ERICH1: variants seen among roughly 807,000 people sequenced by gnomAD.
ERICH1 encodes glutamate rich 1.
ERICH1 carries 56 observed loss-of-function variants against 39.6 expected under a neutral mutation model. That is an observed-to-expected ratio of 1.41 (90% CI 1.14 to 1.77). The LOEUF is 1.77. Among genes scored for constraint, ERICH1 ranks in the 40% most tolerant of loss-of-function variants. ERICH1 has a pLI of 0.00. For synonymous variants in ERICH1, 313 were observed against 223.6 expected (o/e 1.40, Z -3.57); for missense variants, 826 against 575.4 (o/e 1.44, Z -4.45).
intron 3 of ERICH1, among the ~76,000 whole-genome samples, chr8:618,519 T>A (rs1234765887): frequency 6.6e-6 from 1 of 152,198 alleles, no homozygotes; most frequent in African/African-American, 2.4e-5. Flanking sequence ...ATAAGCTCAG[T>A]GGGTACATGC....
chr8:701,958 C>T (rs1010509508), intron 2 of ERICH1, among the ~76,000 whole-genome samples: 4 of 150,484 alleles, frequency 2.7e-5, no homozygotes, highest in East Asian at 2.0e-4. Context: ...GGCATGGTGG[C>T]GGGCGCTACT....
intron 1 of ERICH1, among the ~76,000 whole-genome samples, chr8:729,148 C>A (rs1056044338): frequency 3.9e-5 from 6 of 152,184 alleles, no homozygotes; most frequent in Admixed American, 3.9e-4. Flanking sequence ...GCAGCCAGGG[C>A]CTGAGGGGCT....
chr8:661,660 C>G (rs182555596), downstream of ERICH1, among the ~76,000 whole-genome samples: 78 of 152,316 alleles, frequency 5.1e-4, 1 homozygote, highest in East Asian at 0.015. Context: ...ATTATCATAT[C>G]TATGCTGACA....
downstream of ERICH1, among the ~76,000 whole-genome samples, chr8:663,072 C>T (rs1157761648): frequency 2.0e-5 from 3 of 152,242 alleles, no homozygotes; most frequent in East Asian, 5.8e-4. Context: ...GGCCTACAAC[C>T]TGCATCAAGA....
intron 3 of ERICH1, among the ~76,000 whole-genome samples, chr8:625,233 T>C (rs961044419): frequency 6.6e-6 from 1 of 152,158 alleles, no homozygotes; most frequent in Non-Finnish European, 1.5e-5. Flanking sequence ...ACCCAAATGC[T>C]TCCTATCCGA....
chr8:638,953 G>C (rs148983330), intron 3 of ERICH1, among the ~76,000 whole-genome samples: 44 of 152,142 alleles, frequency 2.9e-4, no homozygotes, highest in African/African-American at 1.0e-3. Flanking sequence ...ACCCATAAAC[G>C]CCTATCTTTC....
Position 673,604 on chromosome 8 carries a change from C to T in ERICH1, c.748G>A (p.Gly250Ser). 1 of 1,550,056 alleles carries T rather than the reference C, an allele frequency of 6.5e-7. No homozygotes were observed. Among genetic ancestry groups the T allele is most frequent in the South Asian group, 1.1e-5 (1 of 87,896 alleles). Reference protein sequence around the residue: ...EDLTRARQEEGADASEEDPTP... With the variant: ...EDLTRARQEESADASEEDPTP... ...GGATCTTCCTCACTGGCGTCCGCAC[C>T]CTCTTCCTGCCTGGCCCGTGTCAGG... Residue 250 changes from glycine to serine, a missense_variant, in exon 4 of 6, where the codon GGT becomes AGT. Physicochemically the swap from Gly to Ser is moderately conservative, Grantham distance 56. Coordinates refer to ENST00000262109, the MANE Select transcript of ERICH1 (RefSeq NM_207332.3).
intron 3 of ERICH1, among the ~76,000 whole-genome samples, chr8:655,413 T>C (rs1800507001): frequency 6.6e-6 from 1 of 152,216 alleles, no homozygotes; most frequent in Non-Finnish European, 1.5e-5. Context: ...CTCACTCGTT[T>C]TTGTTTGCCC....
In ERICH1 at chr8:687,171, G is replaced by C. The variant is rs559022715; in HGVS notation, c.304+5307C>G. Among the ~76,000 whole-genome samples, 9 of 152,316 alleles carry C rather than the reference G, an allele frequency of 5.9e-5. No individual in the cohort carries two copies. In the East Asian group the frequency reaches 1.5e-3, roughly 26 times the overall value. ...CTATTTCAACTGGTGCTTGCTGCTA[G>C]AATCACCATCACAACAGCTCTCCAC... On this transcript the variant is annotated intron_variant, in intron 3 of 5. Transcript: ENST00000262109.
chr8:713,225 C>T (rs1217015090), intron 2 of ERICH1, among the ~76,000 whole-genome samples: 1 of 152,252 alleles, frequency 6.6e-6, no homozygotes, highest in Non-Finnish European at 1.5e-5. Flanking sequence ...TCTCCAAACA[C>T]AGTCACATTC....
At chr8:633,805 C>A (rs1798204121) in intron 3 of ERICH1, among the ~76,000 whole-genome samples, 1 of 152,230 alleles carries the variant, frequency 6.6e-6, no homozygotes, top group Admixed American at 6.5e-5. Context: ...CAGCCGCTTC[C>A]ACCGATGGTG....
chr8:685,973 C>G lies in ERICH1; in HGVS notation c.304+6505G>C, dbSNP rs1286281575. Among the ~76,000 whole-genome samples, 43 of 139,212 alleles carry G rather than the reference C, an allele frequency of 3.1e-4. No homozygotes were observed. The Admixed American group carries it at 3.1e-3, about 10-fold the overall frequency. 91.3% of individuals were successfully genotyped at this position (139,212 alleles called of 152,430 possible). A position where few individuals can be genotyped will look rare whatever the true frequency, so the allele number is the denominator to read the frequency against. ...CAGCCTGGCCAACATGGTGAAACCC[C>G]GTCTCTACTAAAAAATACCAAAAAA... is the stretch of plus-strand genomic sequence containing the variant. On this transcript the variant is annotated intron_variant, in intron 3 of 5. Coordinates refer to ENST00000262109, the MANE Select transcript of ERICH1 (RefSeq NM_207332.3).
chr8:629,468 C>A (rs1441532334), intron 3 of ERICH1, among the ~76,000 whole-genome samples: 1 of 144,814 alleles, frequency 6.9e-6, no homozygotes, highest in African/African-American at 2.6e-5. Context: ...CTCCCGTGAC[C>A]ACCCACACAG....
At chr8:623,134 T>C (rs1245047075) in intron 3 of ERICH1, among the ~76,000 whole-genome samples, 1 of 152,066 alleles carries the variant, frequency 6.6e-6, no homozygotes, top group Non-Finnish European at 1.5e-5. Context: ...CAGACTAATA[T>C]TCCTTATGAA....
At chr8:651,722 G>T (rs564799910) in intron 3 of ERICH1, among the ~76,000 whole-genome samples, 2 of 141,568 alleles carry the variant, frequency 1.4e-5, no homozygotes, top group Non-Finnish European at 3.1e-5. Flanking sequence ...CGGAGTGGGA[G>T]GGGGGAGAAG....
intron 3 of ERICH1, among the ~76,000 whole-genome samples, chr8:687,724 G>C (rs1375466099): frequency 6.6e-6 from 1 of 152,194 alleles, no homozygotes; most frequent in African/African-American, 2.4e-5. Flanking sequence ...ACTGCGGCCA[G>C]TGCCCGCCGC....
intron 5 of ERICH1, 35 bp downstream of exon 5, chr8:668,563 T>C (rs372275561): frequency 7.4e-6 from 12 of 1,613,074 alleles, no homozygotes; most frequent in African/African-American, 1.3e-5. Flanking sequence ...GAGAGTATCT[T>C]AAGCAGGACC....
At chr8:623,713 G>C (rs1200690783) in intron 3 of ERICH1, among the ~76,000 whole-genome samples, 2 of 152,100 alleles carry the variant, frequency 1.3e-5, no homozygotes, top group African/African-American at 2.4e-5. Context: ...ACATGAAGTT[G>C]AACCCCTTTC....
chr8:638,144 G>A (rs890692948), intron 3 of ERICH1, among the ~76,000 whole-genome samples: 6 of 152,258 alleles, frequency 3.9e-5, no homozygotes, highest in Non-Finnish European at 7.3e-5. Context: ...GCTGAGGAAG[G>A]GCCCAGCATC....
Sources: allele counts gnomAD v4.1 joint callset (sites outside exome capture counted in the v4.1 genomes callset), GRCh38; gene constraint gnomAD v4.1.1; transcripts MANE v1.5; gene names NCBI Gene and HGNC (gene_info 2026-07-23, HGNC 2026-07-21).